The following ITFG1 variants were observed in gnomAD, a reference collection of about 807,000 sequenced individuals.
ITFG1 encodes the protein integrin alpha FG-GAP repeat containing 1.
A neutral mutation model predicts 81.8 loss-of-function variants in ITFG1; 34 were observed. The ratio of observed to expected loss-of-function variants is 0.42; its 90% CI spans 0.32 to 0.55. ITFG1 has a LOEUF of 0.55. ITFG1 is among the 20% of genes least tolerant of loss of function. The pLI is 0.17. For synonymous variants in ITFG1, 285 were observed against 270.6 expected, an observed-to-expected ratio of 1.05 and a Z score of -0.52; for missense variants, 672 against 755.4, an observed-to-expected ratio of 0.89 and a Z score of 1.29.
intron 14 of ITFG1, among the ~76,000 whole-genome samples, chr16:47,196,114 T>G (rs1218306716): frequency 6.6e-6 from 1 of 152,206 alleles, no homozygotes; most frequent in Non-Finnish European, 1.5e-5. Context: ...AATCTTGTTC[T>G]GCTATAGGTA....
chr16:47,283,346 C>T (rs1966470348), intron 10 of ITFG1, among the ~76,000 whole-genome samples: 1 of 152,126 alleles, frequency 6.6e-6, no homozygotes, highest in South Asian at 2.1e-4. Context: ...ACTGTCCTCT[C>T]CCCATTGTGT....
At chr16:47,176,032 G>C (rs1296715152) in intron 14 of ITFG1, among the ~76,000 whole-genome samples, 1 of 152,192 alleles carries the variant, frequency 6.6e-6, no homozygotes. Flanking sequence ...CAGTTCTCTG[G>C]GGAATGAGCC....
intron 14 of ITFG1, among the ~76,000 whole-genome samples, chr16:47,165,173 T>C (rs1019562156): frequency 6.6e-6 from 1 of 152,190 alleles, no homozygotes; most frequent in Non-Finnish European, 1.5e-5. Flanking sequence ...TTTCTAGGTA[T>C]TTTTCTACAT....
At chr16:47,191,885 C>T (rs1965298118) in intron 14 of ITFG1, among the ~76,000 whole-genome samples, 1 of 152,112 alleles carries the variant, frequency 6.6e-6, no homozygotes, top group African/African-American at 2.4e-5. Context: ...GATCTTGGCT[C>T]ACTACAGCCT....
At chr16:47,365,759 C>CTTTT (rs76973321) in intron 8 of ITFG1, 29 bp downstream of exon 8, 14 of 1,101,766 alleles carry the variant, frequency 1.3e-5, no homozygotes, top group African/African-American at 3.4e-5. Flanking sequence ...AGGCAAAAGC[C>CTTTT]TTTTTTTTTT....
intron 8 of ITFG1, among the ~76,000 whole-genome samples, chr16:47,347,738 A>T (rs1967879541): frequency 6.6e-6 from 1 of 152,204 alleles, no homozygotes; most frequent in South Asian, 2.1e-4. Context: ...GAACGGACAG[A>T]CTGCCTCCTC....
intron 8 of ITFG1, among the ~76,000 whole-genome samples, chr16:47,320,723 T>A (rs184639905): frequency 6.6e-6 from 1 of 152,306 alleles, no homozygotes; most frequent in East Asian, 1.9e-4. Flanking sequence ...GAGTCCATTA[T>A]CCCTATCTAG....
chr16:47,324,608 C>G (rs1967502287), intron 8 of ITFG1, among the ~76,000 whole-genome samples: 1 of 152,080 alleles, frequency 6.6e-6, no homozygotes, highest in African/African-American at 2.4e-5. Context: ...TGTGCAGAGA[C>G]ACACATAGGC....
intron 13 of ITFG1, among the ~76,000 whole-genome samples, chr16:47,226,252 C>T (rs1464112414): frequency 3.3e-5 from 5 of 152,192 alleles, no homozygotes; most frequent in African/African-American, 1.2e-4. Flanking sequence ...TTTTGTCACC[C>T]AGGCTGGAGT....
At chr16:47,390,012 T>C (rs1804755504) in intron 6 of ITFG1, among the ~76,000 whole-genome samples, 1 of 152,210 alleles carries the variant, frequency 6.6e-6, no homozygotes, top group African/African-American at 2.4e-5. Flanking sequence ...AAAATGCCTA[T>C]CGAATGCAAA....
intron 14 of ITFG1, among the ~76,000 whole-genome samples, chr16:47,209,658 C>T (rs1965542257): frequency 6.6e-6 from 1 of 152,142 alleles, no homozygotes; most frequent in East Asian, 1.9e-4. Flanking sequence ...TTTCCATCAC[C>T]ACAAGGATCC....
intron 7 of ITFG1, among the ~76,000 whole-genome samples, chr16:47,373,352 G>A (rs189117481): frequency 6.6e-5 from 10 of 151,790 alleles, no homozygotes; most frequent in South Asian, 2.1e-4. Context: ...GTGCAATCTC[G>A]GCTCACTGCA....
intron 14 of ITFG1, among the ~76,000 whole-genome samples, chr16:47,212,171 T>C (rs1422575962): frequency 6.6e-6 from 1 of 152,218 alleles, no homozygotes; most frequent in Admixed American, 6.5e-5. Flanking sequence ...CCAGAAAATT[T>C]TCCTTTTTTT....
chr16:47,285,299 A>G (rs115857353), intron 10 of ITFG1, among the ~76,000 whole-genome samples: 41 of 152,312 alleles, frequency 2.7e-4, no homozygotes, highest in African/African-American at 9.6e-4. Flanking sequence ...GAACAAGTGG[A>G]GATTGCTGGA....
At chr16:47,182,799 C>T (rs1186443738) in intron 14 of ITFG1, among the ~76,000 whole-genome samples, 1 of 152,218 alleles carries the variant, frequency 6.6e-6, no homozygotes, top group Non-Finnish European at 1.5e-5. Flanking sequence ...CTCCGGTCTA[C>T]AGCTCCCAGC....
intron 13 of ITFG1, among the ~76,000 whole-genome samples, chr16:47,237,075 T>C (rs1965885630): frequency 6.6e-6 from 1 of 152,250 alleles, no homozygotes; most frequent in Non-Finnish European, 1.5e-5. Flanking sequence ...CCCATGCATC[T>C]TCTCCTTCTG....
chr16:47,343,276 A>G (rs1317520165), intron 8 of ITFG1, among the ~76,000 whole-genome samples: 1 of 152,120 alleles, frequency 6.6e-6, no homozygotes, highest in African/African-American at 2.4e-5. Flanking sequence ...GGATTTCCAC[A>G]TGAAAAAGGA....
intron 5 of ITFG1, among the ~76,000 whole-genome samples, chr16:47,433,834 C>A (rs1389803762): frequency 2.6e-4 from 17 of 66,458 alleles, no homozygotes; most frequent in African/African-American, 6.4e-4. Flanking sequence ...TCAATAAGAA[C>A]TAAAGTGAAT....
intron 8 of ITFG1, among the ~76,000 whole-genome samples, chr16:47,335,391 C>T (rs1314811680): frequency 2.0e-5 from 3 of 151,704 alleles, no homozygotes; most frequent in Admixed American, 1.3e-4. Context: ...AAAAACAAAC[C>T]CAAAAGTCCC....
Sources: allele counts gnomAD v4.1 joint callset (sites outside exome capture counted in the v4.1 genomes callset), GRCh38; gene constraint gnomAD v4.1.1; transcripts MANE v1.5; gene names NCBI Gene and HGNC (gene_info 2026-07-23, HGNC 2026-07-21).